The following DNAH11 variants were observed in gnomAD, a reference collection of about 807,000 sequenced individuals.
DNAH11 encodes the protein dynein axonemal heavy chain 11, also known as axonemal beta dynein heavy chain 11.
In DNAH11, 442 loss-of-function variants were observed where a neutral mutation model predicts 526.0. The ratio of observed to expected loss-of-function variants is 0.84; its 90% confidence interval spans 0.78 to 0.91. The LOEUF (loss-of-function observed/expected upper bound fraction) is 0.91. DNAH11 is among the 40% of genes least tolerant of loss of function. The pLI is 0.00. For synonymous variants in DNAH11, 2,461 were observed against 1,935.9 expected (o/e 1.27, Z -7.12); for missense variants, 6,989 against 5,448.7 (o/e 1.28, Z -8.90).
chr7:21,892,768 G>C (rs1339542167), intron 77 of DNAH11, 101 bp downstream of exon 77: 4 of 1,334,502 alleles, frequency 3.0e-6, no homozygotes, highest in Middle Eastern at 2.6e-4. Context: ...TTTTACCTAG[G>C]TTTTACTCAT....
At chr7:21,669,630 T>C (rs1469233141) in intron 30 of DNAH11, among the ~76,000 whole-genome samples, 1 of 150,594 alleles carries the variant, frequency 6.6e-6, no homozygotes, top group African/African-American at 2.4e-5. Context: ...TAGTGCTTTT[T>C]GTGTCTTTTT....
chr7:21,555,402 C>T (rs1002874736), intron 2 of DNAH11, among the ~76,000 whole-genome samples: 2 of 152,162 alleles, frequency 1.3e-5, no homozygotes, highest in Admixed American at 6.5e-5. Context: ...TCCTTTGGCC[C>T]ATAGGCCTAG....
chr7:21,789,789 C>CTTT (rs1356149541), intron 61 of DNAH11, among the ~76,000 whole-genome samples: 8 of 92,464 alleles, frequency 8.7e-5, no homozygotes, highest in African/African-American at 1.8e-4. Context: ...TTCTTTCTTT[C>CTTT]TTTCTTTCTT....
intron 65 of DNAH11, 54 bp downstream of exon 65, chr7:21,818,393 C>T (rs1048435788): frequency 6.4e-7 from 1 of 1,562,470 alleles, no homozygotes; most frequent in Non-Finnish European, 8.7e-7. Context: ...TTTTCAGCAG[C>T]AGCATCTCTT....
At chr7:21,713,798 C>A (rs537594346) in intron 42 of DNAH11, among the ~76,000 whole-genome samples, 2 of 152,084 alleles carry the variant, frequency 1.3e-5, no homozygotes, top group African/African-American at 4.8e-5. Context: ...CAGGCTTTTG[C>A]GTTGACAGAG....
chr7:21,624,938 T>C (rs1024645637), intron 25 of DNAH11, among the ~76,000 whole-genome samples: 1 of 152,174 alleles, frequency 6.6e-6, no homozygotes, highest in African/African-American at 2.4e-5. Flanking sequence ...ATCAGTTTGC[T>C]AGACTTTGCT....
chr7:21,766,963 C>T (rs1192236230), intron 55 of DNAH11, among the ~76,000 whole-genome samples: 3 of 152,170 alleles, frequency 2.0e-5, no homozygotes, highest in Admixed American at 1.3e-4. Context: ...GCACTTAAAA[C>T]GTTTCCACAA....
rs1435747057 is a variant in DNAH11, at chr7:21,619,944, G to C, written c.4378-12G>C. 5 of 1,470,776 alleles carry C rather than the reference G, an allele frequency of 3.4e-6. No homozygotes were observed. Among genetic ancestry groups the C allele is most frequent in the Non-Finnish European group, 4.6e-6 (5 of 1,083,918 alleles). 91.1% of individuals were successfully genotyped at this position (1,470,776 alleles called of 1,614,324 possible). A position where few individuals can be genotyped will look rare whatever the true frequency, so the allele number is the denominator to read the frequency against. ...AAATTTTGTGCACATTAATTATATT[G>C]TTGATTACTAGGTTATTACTGAAAT... On this transcript the variant is annotated splice_polypyrimidine_tract_variant and intron_variant, in intron 24 of 81. Coordinates refer to ENST00000409508, the MANE Select transcript of DNAH11 (RefSeq NM_001277115.2).
At position 21,773,932 on chromosome 7, in the gene DNAH11, A is replaced by G. The variant is rs371991581; in HGVS notation, c.9269A>G (p.Asn3090Ser). 1.9e-6 allele frequency: 3 copies of G among 1,592,708 alleles called. No individual in the cohort carries two copies. The highest frequency in any genetic ancestry group is 2.6e-6 in the Non-Finnish European group (3 of 1,169,536). The change falls in exon 56 of 82, where the codon AAT (asparagine) becomes AGT (serine). Residue 3090 changes from asparagine to serine, a missense_variant. Transcript: ENST00000409508. ...AAGAACCTGTTGAAGAAGAAGCAAA[A>G]TGAGGTATCCGAGAAAAAAGAACGC... ...LFKNLLKKKQNEVSEKKERLV... is the reference protein window; with the variant it reads ...LFKNLLKKKQSEVSEKKERLV...
chr7:21,790,427 G>C lies in DNAH11; in HGVS notation c.10026+1085G>C, dbSNP rs192359002. Among the ~76,000 whole-genome samples the C allele has an allele frequency of 1.6e-3, 237 of 152,246 alleles. 3 individuals carry two copies. In the East Asian group the frequency reaches 0.042, roughly 27 times the overall value. On this transcript the variant is annotated intron_variant, in intron 61 of 81. Coordinates refer to ENST00000409508, the MANE Select transcript of DNAH11 (RefSeq NM_001277115.2). ...ATCACACCACTGCACTCCAGCCTGG[G>C]CGACAGAGCAAGACTCCGTCTCAAA...
At chr7:21,705,563 C>A (rs374360297) in intron 39 of DNAH11, 26 bp downstream of exon 39, 2 of 1,598,570 alleles carry the variant, frequency 1.3e-6, no homozygotes, top group Non-Finnish European at 1.7e-6. Context: ...TAATAGCTTA[C>A]AGCTATGGAA....
At position 21,564,311 on chromosome 7, in the gene DNAH11, C is replaced by A. The variant is rs189175047; in HGVS notation, c.1108C>A (p.Leu370Met). 4.2e-5 allele frequency: 67 copies of A among 1,613,636 alleles called. No individual in the cohort carries two copies. In the Middle Eastern group the frequency reaches 8.3e-4, roughly 20 times the overall value. The change falls in exon 6 of 82, where the codon CTG becomes ATG. Residue 370 changes from leucine (L) to methionine (M), a missense_variant. By Grantham distance (15) the Leu-to-Met change is conservative. Transcript: ENST00000409508. Reference protein sequence around the residue: ...LIAPLFHTICLIWSHSKFYNT... With the variant: ...LIAPLFHTICMIWSHSKFYNT... ...CGCTCCATTATTTCATACCATCTGT[C>A]TGATCTGGAGTCATTCCAAGTTTTA...
At chr7:21,757,366 T>C (rs1267005361) in intron 54 of DNAH11, among the ~76,000 whole-genome samples, 1 of 152,162 alleles carries the variant, frequency 6.6e-6, no homozygotes, top group Non-Finnish European at 1.5e-5. Flanking sequence ...TTAAATATTA[T>C]TTTTTTAGGA....
At chr7:21,679,264 C>T (rs1191113355) in intron 30 of DNAH11, among the ~76,000 whole-genome samples, 4 of 151,924 alleles carry the variant, frequency 2.6e-5, no homozygotes. Flanking sequence ...AGATATTGGT[C>T]AAAGGGTACA....
chr7:21,765,814 G>A (rs1787160349), intron 55 of DNAH11, among the ~76,000 whole-genome samples: 1 of 152,180 alleles, frequency 6.6e-6, no homozygotes, highest in African/African-American at 2.4e-5. Flanking sequence ...AGGAGGATGT[G>A]CACACGTGCG....
chr7:21,825,876 A>G (rs973093238), intron 65 of DNAH11, among the ~76,000 whole-genome samples: 2 of 151,550 alleles, frequency 1.3e-5, no homozygotes, highest in African/African-American at 4.9e-5. Flanking sequence ...GGAGAACGGC[A>G]TGAACCTGGG....
At chr7:21,896,907 AAAAT>A (rs956766066) in intron 79 of DNAH11, among the ~76,000 whole-genome samples, 2 of 148,274 alleles carry the variant, frequency 1.3e-5, no homozygotes, top group African/African-American at 5.3e-5. Context: ...AAACAATAAT[AAAAT>A]AAATAAAATA....
intron 41 of DNAH11, among the ~76,000 whole-genome samples, chr7:21,710,983 G>A (rs185588337): frequency 6.6e-6 from 1 of 152,256 alleles, no homozygotes; most frequent in East Asian, 1.9e-4. Flanking sequence ...CTTTCTAAGA[G>A]GTAGCCGTAA....
intron 30 of DNAH11, among the ~76,000 whole-genome samples, chr7:21,659,482 T>C (rs1168116703): frequency 6.6e-6 from 1 of 152,000 alleles, no homozygotes; most frequent in Non-Finnish European, 1.5e-5. Context: ...TGAATTCTAT[T>C]TTATTGATCC....
Sources: allele counts gnomAD v4.1 joint callset (sites outside exome capture counted in the v4.1 genomes callset), GRCh38; gene constraint gnomAD v4.1.1; transcripts MANE v1.5; gene names NCBI Gene and HGNC (gene_info 2026-07-23, HGNC 2026-07-21).